Variants in SLC2A13 observed in about 807,000 individuals in gnomAD.
SLC2A13 encodes solute carrier family 2 member 13, also known as proton myo-inositol cotransporter.
In SLC2A13, 32 loss-of-function variants were observed where a neutral mutation model predicts 64.4. That is an observed-to-expected ratio of 0.50 (90% CI 0.37 to 0.67). The LOEUF is 0.67. SLC2A13 is among the 30% of genes least tolerant of loss of function. SLC2A13 has a pLI of 0.00. For synonymous variants in SLC2A13, 338 were observed against 327.1 expected, an observed-to-expected ratio of 1.03 and a Z score of -0.36; for missense variants, 743 against 829.2, an observed-to-expected ratio of 0.90 and a Z score of 1.28.
chr12:40,059,429 A>C (rs1249233840), intron 1 of SLC2A13, among the ~76,000 whole-genome samples: 1 of 152,196 alleles, frequency 6.6e-6, no homozygotes, highest in Non-Finnish European at 1.5e-5. Context: ...CTCACACCAC[A>C]ACAATCAACT....
chr12:39,771,470 A>T (rs1178240808), intron 7 of SLC2A13, among the ~76,000 whole-genome samples: 2 of 152,132 alleles, frequency 1.3e-5, no homozygotes, highest in Non-Finnish European at 2.9e-5. Flanking sequence ...CAAGAAACTG[A>T]AGTCCTCAGC....
chr12:39,783,288 G>C (rs1941064219), intron 7 of SLC2A13, among the ~76,000 whole-genome samples: 1 of 152,190 alleles, frequency 6.6e-6, no homozygotes, highest in Non-Finnish European at 1.5e-5. Flanking sequence ...CATTTGGGTT[G>C]GTTCCAAGTC....
intron 6 of SLC2A13, among the ~76,000 whole-genome samples, chr12:39,838,510 A>G (rs1943087400): frequency 6.7e-6 from 1 of 148,156 alleles, no homozygotes; most frequent in Non-Finnish European, 1.5e-5. Context: ...ATAAATTAAA[A>G]AAAAAAAAAA....
intron 3 of SLC2A13, among the ~76,000 whole-genome samples, chr12:39,961,069 G>GT (rs896098910): frequency 4.1e-5 from 6 of 147,262 alleles, no homozygotes; most frequent in African/African-American, 1.3e-4. Flanking sequence ...TAAAGAGAAT[G>GT]TTTTTTTCTT....
rs560869543 is a variant in SLC2A13, at chr12:39,799,683, T to C, written c.1445+30420A>G. 2.6e-5 allele frequency among the ~76,000 whole-genome samples: 4 copies of C among 152,236 alleles called. No individual in the cohort carries two copies. The South Asian group carries it at 8.3e-4, about 32-fold the overall frequency. ...TATGTACAATTAATAGCAATTCAAA[T>C]GGTAGAGAATGCAGGTCAGTGAAAT... is the stretch of plus-strand genomic sequence containing the variant. On this transcript the variant is annotated intron_variant, in intron 7 of 9. Transcript: ENST00000280871.
intron 4 of SLC2A13, among the ~76,000 whole-genome samples, chr12:39,937,540 C>T (rs527446264): frequency 1.3e-5 from 2 of 152,222 alleles, no homozygotes; most frequent in East Asian, 3.9e-4. Flanking sequence ...ATTAACAGCA[C>T]CTCCATTTCT....
intron 3 of SLC2A13, among the ~76,000 whole-genome samples, chr12:39,954,226 C>A (rs1266216313): frequency 6.6e-6 from 1 of 152,168 alleles, no homozygotes; most frequent in Non-Finnish European, 1.5e-5. Context: ...TTCCAGGCTG[C>A]AGCACAGGGC....
chr12:39,885,667 G>A (rs894828603), intron 4 of SLC2A13, among the ~76,000 whole-genome samples: 3 of 152,112 alleles, frequency 2.0e-5, no homozygotes, highest in Non-Finnish European at 2.9e-5. Context: ...CCTCCTCTGA[G>A]GAATTAATTC....
rs1417207531 is a variant in SLC2A13 at position 39,993,888 on chromosome 12, C to T, written c.925+34413G>A. 2.6e-5 allele frequency among the ~76,000 whole-genome samples: 4 copies of T among 152,126 alleles called. No homozygotes were observed. In the East Asian group the frequency reaches 5.8e-4, roughly 22 times the overall value. ...CAGACACGTATTTGTTTCTTATCTA[C>T]TTAAATATCATTTAAATCTAATTGA... On this transcript the variant is annotated intron_variant, in intron 3 of 9. Transcript: ENST00000280871.
At chr12:39,944,644 T>C (rs996948878) in intron 4 of SLC2A13, among the ~76,000 whole-genome samples, 2 of 152,260 alleles carry the variant, frequency 1.3e-5, no homozygotes, top group Non-Finnish European at 2.9e-5. Flanking sequence ...TTGTTTTGTC[T>C]GATATAAGAA....
Position 40,059,800 on chromosome 12 carries a change from C to A in SLC2A13, c.557-11590G>T, listed in dbSNP as rs1948388732. Reference sequence around the variant, plus strand: ...AATGAATGAGGAAACCCAGAAAGGCCTGTTAGATTCTTCTTGACCCTTCTG... The same window carrying A: ...AATGAATGAGGAAACCCAGAAAGGCATGTTAGATTCTTCTTGACCCTTCTG... On this transcript the variant is annotated intron_variant, in intron 1 of 9. Transcript: ENST00000280871. Among the ~76,000 whole-genome samples, 4 of 152,098 alleles carry A rather than the reference C, an allele frequency of 2.6e-5. No individual in the cohort carries two copies. The South Asian group carries it at 8.3e-4, about 32-fold the overall frequency.
chr12:39,896,264 GTGTATATA>G lies in SLC2A13; in HGVS notation c.1035-24311_1035-24304del, dbSNP rs1565527703. On this transcript the variant is annotated intron_variant, in intron 4 of 9. Coordinates refer to ENST00000280871, the MANE Select transcript of SLC2A13 (RefSeq NM_052885.4). ...TATATGTATACATGTATGTATATGT[GTGTATATA>G]TGTATACATGTATGTATATGTGTGT... 4.9e-4 allele frequency among the ~76,000 whole-genome samples: 68 copies of G among 139,624 alleles called. 2 individuals carry two copies. The highest frequency in any genetic ancestry group is 1.7e-3 in the African/African-American group (63 of 37,996). 91.6% of individuals were successfully genotyped at this position (139,624 alleles called of 152,430 possible). A position where few individuals can be genotyped will look rare whatever the true frequency, so the allele number is the denominator to read the frequency against.
chr12:39,866,039 G>T (rs1235498651), intron 5 of SLC2A13, among the ~76,000 whole-genome samples: 1 of 152,148 alleles, frequency 6.6e-6, no homozygotes. Flanking sequence ...TTAAAAAAGA[G>T]AATATGGCTG....
Position 40,027,352 on chromosome 12 carries a change from G to A in SLC2A13, c.925+949C>T, listed in dbSNP as rs1947830748. 7.2e-5 allele frequency among the ~76,000 whole-genome samples: 11 copies of A among 152,184 alleles called. 1 individual carries two copies. Among genetic ancestry groups the A allele is most frequent in the Admixed American group, 7.2e-4 (11 of 15,274 alleles). ...GAACTTCACATAGAATGGGCTCACA[G>A]TTTGTTGAGGCTTTGATCTCAGCAA... is the stretch of plus-strand genomic sequence containing the variant. On this transcript the variant is annotated intron_variant, in intron 3 of 9. Coordinates refer to ENST00000280871, the MANE Select transcript of SLC2A13 (RefSeq NM_052885.4).
intron 7 of SLC2A13, among the ~76,000 whole-genome samples, chr12:39,785,252 G>A (rs1941143897): frequency 6.6e-6 from 1 of 152,180 alleles, no homozygotes. Context: ...GCTGTGTGCA[G>A]CCTAGAGACT....
chr12:39,924,497 A>G (rs552141440), intron 4 of SLC2A13, among the ~76,000 whole-genome samples: 1 of 148,198 alleles, frequency 6.7e-6, no homozygotes, highest in African/African-American at 2.5e-5. Flanking sequence ...TTTTCTTTCA[A>G]TTTTTGAGGA....
rs537561873 is a variant in SLC2A13 at position 39,974,744 on chromosome 12, T to C, written c.926-23379A>G. Among the ~76,000 whole-genome samples, 14 of 152,346 alleles carry C rather than the reference T, an allele frequency of 9.2e-5. 1 individual carries two copies. The South Asian group carries it at 2.7e-3, about 29-fold the overall frequency. ...TGGGGCAATGATGAATATCACTGAA[T>C]ACCATTGCCTGTAAACTAATTGAGA... is the stretch of plus-strand genomic sequence containing the variant. On this transcript the variant is annotated intron_variant, in intron 3 of 9. Coordinates refer to ENST00000280871, the MANE Select transcript of SLC2A13 (RefSeq NM_052885.4).
At chr12:39,966,776 C>T (rs1211905718) in intron 3 of SLC2A13, among the ~76,000 whole-genome samples, 3 of 152,144 alleles carry the variant, frequency 2.0e-5, no homozygotes, top group Admixed American at 6.5e-5. Flanking sequence ...TCGAAAGATA[C>T]GTCTCCAGAT....
chr12:39,896,279 C>A (rs1452800960), intron 4 of SLC2A13, among the ~76,000 whole-genome samples: 1 of 79,964 alleles, frequency 1.3e-5, no homozygotes, highest in Non-Finnish European at 2.7e-5. Flanking sequence ...TATATGTATA[C>A]ATGTATGTAT....
Sources: gnomAD v4.1 joint callset for allele counts (sites outside exome capture counted in the v4.1 genomes callset) on GRCh38, gnomAD v4.1.1 for gene constraint, MANE v1.5 for transcripts, NCBI Gene and HGNC (gene_info 2026-07-23, HGNC 2026-07-21) for gene names.